The following WRN variants were observed in gnomAD, a reference collection of about 807,000 sequenced individuals.
WRN encodes WRN RecQ like helicase, also known as bifunctional 3'-5' exonuclease/ATP-dependent helicase WRN.
WRN carries 149 observed loss-of-function variants against 180.7 expected under a neutral mutation model. That is an observed-to-expected ratio of 0.82 (90% confidence interval 0.72 to 0.94). The LOEUF is 0.94. WRN is among the 40% of genes least tolerant of loss of function. WRN has a pLI of 0.00. For synonymous variants in WRN, 548 were observed against 568.9 expected, an observed-to-expected ratio of 0.96 and a Z score of 0.52; for missense variants, 1,661 against 1,700.1, an observed-to-expected ratio of 0.98 and a Z score of 0.40.
In WRN at chr8:31,087,907, A is replaced by G; in HGVS notation, c.1563A>G (p.Glu521=). The change falls in exon 12 of 35, where the codon GAA becomes GAG. Residue 521 remains glutamate, a synonymous_variant. Coordinates refer to ENST00000298139, the MANE Select transcript of WRN (RefSeq NM_000553.6). ...DDENEANEGE[E]DDDKDFLWPA... is the part of the protein sequence containing the mutation. ...AAAATGAAGCTAATGAAGGGGAAGAAGATGATGATAAGGGTAAGCACTGAA... is the reference window on the plus strand; with the variant it reads ...AAAATGAAGCTAATGAAGGGGAAGAGGATGATGATAAGGGTAAGCACTGAA... 1 of 1,613,334 alleles carries G rather than the reference A, an allele frequency of 6.2e-7. No homozygotes were observed. Among genetic ancestry groups the G allele is most frequent in the African/African-American group, 1.3e-5 (1 of 75,030 alleles).
At position 31,064,352 on chromosome 8, in the gene WRN, A is replaced by C. The variant is rs1812611647; in HGVS notation, c.273A>C (p.Arg91Ser). ...FDMEWPPLYN[R>S]GKLGKVALIQ... ...TGGAGTGGCCACCATTATACAATAG[A>C]GGGAAACTTGGCAAAGTTGCACTAA... Residue 91 changes from arginine to serine, a missense_variant, in exon 4 of 35, where the codon AGA becomes AGC. Arg to Ser is a moderately radical substitution (Grantham distance 110). Transcript: ENST00000298139. 1 of 1,614,008 alleles carries C rather than the reference A, an allele frequency of 6.2e-7. No homozygotes were observed.
At chr8:31,069,995 G>C (rs1812845627) in intron 7 of WRN, among the ~76,000 whole-genome samples, 1 of 151,860 alleles carries the variant, frequency 6.6e-6, no homozygotes, top group Admixed American at 6.6e-5. Context: ...TGGAAGTCCT[G>C]GTATCTGTGT....
chr8:31,171,284 T>G (rs781228297), intron 34 of WRN: 1 of 151,566 alleles, frequency 6.6e-6, no homozygotes, highest in Non-Finnish European at 1.5e-5. Flanking sequence ...TCTATGCATC[T>G]GACAAAGGCC....
At chr8:31,139,013 T>C (rs1802504173) in intron 24 of WRN, among the ~76,000 whole-genome samples, 1 of 152,238 alleles carries the variant, frequency 6.6e-6, no homozygotes, top group South Asian at 2.1e-4. Flanking sequence ...TGATTTATTT[T>C]TGTTTTCAAG....
intron 33 of WRN, among the ~76,000 whole-genome samples, chr8:31,165,484 T>C (rs2130509210): frequency 6.6e-6 from 1 of 152,198 alleles, no homozygotes; most frequent in East Asian, 1.9e-4. Context: ...CAATTTATTT[T>C]GATAATATAA....
intron 1 of WRN, among the ~76,000 whole-genome samples, chr8:31,046,164 A>G (rs1400625319): frequency 1.3e-5 from 2 of 152,154 alleles, no homozygotes; most frequent in South Asian, 2.1e-4. Flanking sequence ...TAGGATAATA[A>G]TTTATCCTAG....
intron 7 of WRN, among the ~76,000 whole-genome samples, chr8:31,074,667 G>A (rs1373972685): frequency 6.6e-6 from 1 of 152,064 alleles, no homozygotes; most frequent in African/African-American, 2.4e-5. Context: ...TTGGGTGTAG[G>A]CATCAGGTAG....
rs1182286218 is a variant in WRN at position 31,141,570 on chromosome 8, A to C, written c.3108A>C (p.Lys1036Asn). 1 of 1,614,132 alleles carries C rather than the reference A, an allele frequency of 6.2e-7. No individual in the cohort carries two copies. Among genetic ancestry groups the C allele is most frequent in the East Asian group, 2.2e-5 (1 of 44,876 alleles). Residue 1036 changes from lysine to asparagine, a missense_variant, in exon 25 of 35, where the codon AAA (lysine) becomes AAC (asparagine). Physicochemically the swap from Lys to Asn is moderately conservative, Grantham distance 94. Transcript: ENST00000298139. ...TGGTAGAAGTTTCTCGGTATAACAA[A>C]TTTATGAAGATTTGCGCCCTTACGA... is the stretch of plus-strand genomic sequence containing the variant. ...GFLVEVSRYN[K>N]FMKICALTKK...
At chr8:31,040,513 G>A (rs1032458675) in intron 1 of WRN, among the ~76,000 whole-genome samples, 5 of 152,184 alleles carry the variant, frequency 3.3e-5, no homozygotes, top group Admixed American at 1.3e-4. Context: ...AAAAGGGATT[G>A]ATATAGATGG....
intron 7 of WRN, among the ~76,000 whole-genome samples, chr8:31,069,334 G>A (rs1261265036): frequency 1.3e-5 from 2 of 152,126 alleles, no homozygotes; most frequent in East Asian, 1.9e-4. Flanking sequence ...CCTCCCTGGA[G>A]AGCCACTTCC....
chr8:31,094,898 C>A (rs1427359306), intron 16 of WRN, among the ~76,000 whole-genome samples: 1 of 152,114 alleles, frequency 6.6e-6, no homozygotes, highest in Non-Finnish European at 1.5e-5. Flanking sequence ...TCCTTTTTGG[C>A]TGTTATGAAT....
At position 31,147,495 on chromosome 8, in the gene WRN, G is replaced by A. The variant is rs201521208; in HGVS notation, c.3572+19G>A. ...AAATGAGGTAAACTATCTTTTGCAT[G>A]TGTTCTATTTATTTCCTTCTAACAA... On this transcript the variant is annotated intron_variant, in intron 30 of 34. Coordinates refer to ENST00000298139, the MANE Select transcript of WRN (RefSeq NM_000553.6). The A allele has an allele frequency of 3.6e-4, 526 of 1,459,108 alleles. No homozygotes were observed. Among genetic ancestry groups the A allele is most frequent in the Non-Finnish European group, 4.5e-4 (500 of 1,104,110 alleles). 90.4% of individuals were successfully genotyped at this position (1,459,108 alleles called of 1,614,324 possible). A position where few individuals can be genotyped will look rare whatever the true frequency, so the allele number is the denominator to read the frequency against.
intron 23 of WRN, among the ~76,000 whole-genome samples, chr8:31,130,963 T>G (rs1352548656): frequency 3.9e-5 from 6 of 152,042 alleles, no homozygotes; most frequent in African/African-American, 1.4e-4. Flanking sequence ...CCAATGCTTC[T>G]TTTGCCCACC....
chr8:31,100,970 G>C lies in WRN; in HGVS notation c.2088+15G>C. The C allele has an allele frequency of 6.2e-7, 1 of 1,603,644 alleles. No individual in the cohort carries two copies. Among genetic ancestry groups the C allele is most frequent in the Non-Finnish European group, 8.5e-7 (1 of 1,170,818 alleles). On this transcript the variant is annotated intron_variant, in intron 18 of 34. Coordinates refer to ENST00000298139, the MANE Select transcript of WRN (RefSeq NM_000553.6). ...CACTGCCAATGGTAAGCTTTGCCAA[G>C]TCTGATGTCCCGAAATTACATTCTT...
At position 31,141,546 on chromosome 8, in the gene WRN, G is replaced by A. The variant is rs1441989719; in HGVS notation, c.3084G>A (p.Leu1028=). The part of the protein sequence containing the change: ...FSRQLITEGF[L]VEVSRYNKFM... ...GTCAGCTGATCACTGAGGGATTCTT[G>A]GTAGAAGTTTCTCGGTATAACAAAT... Residue 1028 remains leucine, a synonymous_variant, in exon 25 of 35, where the codon TTG becomes TTA. Coordinates refer to ENST00000298139, the MANE Select transcript of WRN (RefSeq NM_000553.6). 2.5e-6 allele frequency: 4 copies of A among 1,614,088 alleles called. No individual in the cohort carries two copies. The South Asian group carries it at 4.4e-5, about 18-fold the overall frequency.
chr8:31,034,856 T>G (rs1054790838), intron 1 of WRN, among the ~76,000 whole-genome samples: 1 of 152,164 alleles, frequency 6.6e-6, no homozygotes, highest in African/African-American at 2.4e-5. Context: ...CTGTAACTCA[T>G]AGGGTATGAG....
rs549242125 is a variant in WRN at position 31,039,640 on chromosome 8, G to A, written c.-77+5667G>A. 2.0e-5 allele frequency among the ~76,000 whole-genome samples: 3 copies of A among 152,232 alleles called. No homozygotes were observed. In the South Asian group the frequency reaches 6.2e-4, roughly 32 times the overall value. On this transcript the variant is annotated intron_variant, in intron 1 of 34. Coordinates refer to ENST00000298139, the MANE Select transcript of WRN (RefSeq NM_000553.6). Reference sequence around the variant, plus strand: ...CTTTGTCTTGCTTCCTATCTTAGGTGGAAAGCTTTCAGTCTTTCACCATTA... The same window carrying A: ...CTTTGTCTTGCTTCCTATCTTAGGTAGAAAGCTTTCAGTCTTTCACCATTA...
At chr8:31,147,605 C>A in intron 30 of WRN, 129 bp downstream of exon 30, 1 of 829,270 alleles carries the variant, frequency 1.2e-6, no homozygotes, top group Non-Finnish European at 2.0e-6. Flanking sequence ...ATTCCCCCTG[C>A]TGCGATGCTT....
In WRN at chr8:31,173,206, C is replaced by A. The variant is rs1804168605; in HGVS notation, c.*104C>A. ...GTAGTATTTTGGCTTAAAAATCATT[C>A]TAATTACAAAGTTCACTGTTTATTG... On this transcript the variant is annotated 3_prime_UTR_variant, in exon 35 of 35. Transcript: ENST00000298139. 1.8e-6 allele frequency: 2 copies of A among 1,122,184 alleles called. No homozygotes were observed. Among genetic ancestry groups the A allele is most frequent in the Admixed American group, 2.0e-5 (1 of 50,776 alleles). The allele number at this position is 1,122,184 out of a possible 1,614,324, so 69.5% of individuals were successfully genotyped here. A position where few individuals can be genotyped will look rare whatever the true frequency, so the allele number is the denominator to read the frequency against.
Sources: gnomAD v4.1 joint callset for allele counts (sites outside exome capture counted in the v4.1 genomes callset) on GRCh38, gnomAD v4.1.1 for gene constraint, MANE v1.5 for transcripts, NCBI Gene and HGNC (gene_info 2026-07-23, HGNC 2026-07-21) for gene names.